Variants in CCDC146 observed in about 807,000 individuals in gnomAD.
The protein encoded by CCDC146 is coiled-coil domain containing 146.
In CCDC146, 92 loss-of-function variants were observed where a neutral mutation model predicts 119.3. The ratio of observed to expected loss-of-function variants is 0.77; its 90% CI spans 0.65 to 0.92. The LOEUF is 0.92. Among genes scored for constraint, CCDC146 ranks in the 40% least tolerant of loss-of-function variants. CCDC146 has a pLI of 0.00. For synonymous variants in CCDC146, 372 were observed against 371.8 expected, an observed-to-expected ratio of 1.00 and a Z score of -0.01; for missense variants, 1,000 against 1,103.0, an observed-to-expected ratio of 0.91 and a Z score of 1.32.
intron 1 of CCDC146, among the ~76,000 whole-genome samples, chr7:77,135,071 C>T (rs987632436): frequency 3.3e-5 from 5 of 152,200 alleles, no homozygotes; most frequent in Non-Finnish European, 4.4e-5. Context: ...CTACAACCAC[C>T]ATTGCTCACT....
intron 2 of CCDC146, among the ~76,000 whole-genome samples, chr7:77,211,938 C>A (rs945694928): frequency 3.3e-5 from 5 of 152,116 alleles, no homozygotes; most frequent in African/African-American, 1.2e-4. Context: ...TAAACACTAA[C>A]TTCAAACAAA....
chr7:77,224,973 G>T (rs1792477086), intron 2 of CCDC146, among the ~76,000 whole-genome samples: 1 of 152,196 alleles, frequency 6.6e-6, no homozygotes, highest in Admixed American at 6.6e-5. Context: ...GAGAAGAATT[G>T]AAATGAAAAG....
chr7:77,287,353 A>C, intron 16 of CCDC146, 87 bp from the exon 17 acceptor site: 1 of 1,349,772 alleles, frequency 7.4e-7, no homozygotes, highest in Non-Finnish European at 1.0e-6. Context: ...TGTGGGGGGT[A>C]GGGGGAGATA....
At chr7:77,289,388 C>T (rs1191995861) in intron 17 of CCDC146, among the ~76,000 whole-genome samples, 2 of 152,302 alleles carry the variant, frequency 1.3e-5, no homozygotes, top group Admixed American at 1.3e-4. Flanking sequence ...TTTCCTTTCC[C>T]TACCTTCCAT....
intron 2 of CCDC146, among the ~76,000 whole-genome samples, chr7:77,175,035 C>T (rs548920747): frequency 1.4e-4 from 22 of 151,774 alleles, no homozygotes; most frequent in Admixed American, 7.2e-4. Flanking sequence ...ATAGCTTTCA[C>T]GGTATTCCCT....
intron 2 of CCDC146, among the ~76,000 whole-genome samples, chr7:77,224,778 G>A (rs1792473222): frequency 6.6e-6 from 1 of 152,198 alleles, no homozygotes; most frequent in South Asian, 2.1e-4. Context: ...AGGGTCTAAA[G>A]CAAGGTGAGA....
intron 1 of CCDC146, among the ~76,000 whole-genome samples, chr7:77,157,954 T>G (rs1375532606): frequency 6.6e-6 from 1 of 152,184 alleles, no homozygotes; most frequent in Non-Finnish European, 1.5e-5. Flanking sequence ...AGTGGCTGGG[T>G]CCCAGCCTCC....
intron 2 of CCDC146, among the ~76,000 whole-genome samples, chr7:77,191,552 A>T (rs1323699675): frequency 2.0e-5 from 3 of 152,228 alleles, no homozygotes; most frequent in African/African-American, 7.2e-5. Flanking sequence ...GTAGGATGGC[A>T]TAAGATCTAG....
chr7:77,279,050 T>C lies in CCDC146; in HGVS notation c.1643T>C (p.Met548Thr). The change falls in exon 13 of 19, where the codon ATG (methionine) becomes ACG (threonine). Residue 548 changes from methionine to threonine, a missense_variant. Met to Thr is a moderately conservative substitution (Grantham distance 81). Transcript: ENST00000285871. ...KVNEIKERHK[M>T]SLNELEILRN... Reference sequence around the variant, plus strand: ...AATGAAATAAAAGAAAGGCATAAAATGTCATTAAATGAACTTGAAATTCTG... The same window carrying C: ...AATGAAATAAAAGAAAGGCATAAAACGTCATTAAATGAACTTGAAATTCTG... 6.2e-7 allele frequency: 1 copy of C among 1,608,684 alleles called. No individual in the cohort carries two copies. Among genetic ancestry groups the C allele is most frequent in the South Asian group, 1.1e-5 (1 of 89,978 alleles).
At chr7:77,195,586 T>C (rs1021870881) in intron 2 of CCDC146, 4 of 152,212 alleles carry the variant, frequency 2.6e-5, no homozygotes, top group Non-Finnish European at 5.9e-5. Flanking sequence ...AAGAGTGATA[T>C]ACCTTCAGAT....
At chr7:77,141,324 G>T (rs1345862622) in intron 1 of CCDC146, among the ~76,000 whole-genome samples, 3 of 152,122 alleles carry the variant, frequency 2.0e-5, no homozygotes, top group Non-Finnish European at 4.4e-5. Context: ...ATCACTGATG[G>T]GCATTTGGGT....
intron 2 of CCDC146, among the ~76,000 whole-genome samples, chr7:77,223,488 C>T (rs891907506): frequency 6.6e-6 from 1 of 152,170 alleles, no homozygotes; most frequent in African/African-American, 2.4e-5. Flanking sequence ...AGAACAGTCC[C>T]AGAGTTCTCT....
intron 2 of CCDC146, among the ~76,000 whole-genome samples, chr7:77,220,452 C>T (rs1792382340): frequency 6.6e-6 from 1 of 152,158 alleles, no homozygotes. Context: ...CCTGAGGTGA[C>T]ATACATCCTC....
intron 2 of CCDC146, among the ~76,000 whole-genome samples, chr7:77,213,021 T>C (rs1160538858): frequency 6.6e-6 from 1 of 151,754 alleles, no homozygotes; most frequent in Non-Finnish European, 1.5e-5. Flanking sequence ...TTGTTGTTGT[T>C]CAAGTTTTTA....
chr7:77,165,341 T>G (rs952927762), intron 1 of CCDC146, among the ~76,000 whole-genome samples: 3 of 152,054 alleles, frequency 2.0e-5, no homozygotes, highest in African/African-American at 7.3e-5. Context: ...CTTAAAATTT[T>G]ATTTTTGAGC....
In CCDC146 at chr7:77,143,182, T is replaced by C. The variant is rs536700966; in HGVS notation, c.-12+20450T>C. On this transcript the variant is annotated intron_variant, in intron 1 of 18. Coordinates refer to ENST00000285871, the MANE Select transcript of CCDC146 (RefSeq NM_020879.3). The stretch of plus-strand genomic sequence containing the variant: ...GATGGCCAGTGATGAAGAGCATTTT[T>C]TCATGTGTCTGTTGGCTGCATAAAT... Among the ~76,000 whole-genome samples, 39 of 152,032 alleles carry C rather than the reference T, an allele frequency of 2.6e-4. No homozygotes were observed. In the East Asian group the frequency reaches 7.1e-3, roughly 28 times the overall value.
At chr7:77,283,738 CT>C (rs922167728) in intron 15 of CCDC146, among the ~76,000 whole-genome samples, 1 of 151,922 alleles carries the variant, frequency 6.6e-6, no homozygotes, top group African/African-American at 2.4e-5. Context: ...TTAGATCCCC[CT>C]TTTTTTTAAT....
chr7:77,192,174 A>G (rs995785356), intron 2 of CCDC146, among the ~76,000 whole-genome samples: 1 of 152,080 alleles, frequency 6.6e-6, no homozygotes, highest in Non-Finnish European at 1.5e-5. Flanking sequence ...CGGCCTCCCA[A>G]AGTGCTGGGA....
intron 9 of CCDC146, among the ~76,000 whole-genome samples, chr7:77,268,922 C>A (rs994700334): frequency 6.6e-6 from 1 of 152,084 alleles, no homozygotes; most frequent in Non-Finnish European, 1.5e-5. Flanking sequence ...TTTGTAGGAT[C>A]TCTTACTTGC....
Sources: gnomAD v4.1 joint callset for allele counts (sites outside exome capture counted in the v4.1 genomes callset) on GRCh38, gnomAD v4.1.1 for gene constraint, MANE v1.5 for transcripts, NCBI Gene and HGNC (gene_info 2026-07-23, HGNC 2026-07-21) for gene names.